The following C18orf32 variants were observed in gnomAD, a reference collection of about 807,000 sequenced individuals.
C18orf32 encodes chromosome 18 open reading frame 32.
A neutral mutation model predicts 7.4 loss-of-function variants in C18orf32; 5 were observed. The observed-to-expected ratio is 0.68, with a 90% CI of 0.35 to 1.42. The LOEUF (loss-of-function observed/expected upper bound fraction) is 1.42, where lower values mean the gene tolerates loss of function less well. Among genes scored for constraint, C18orf32 ranks in the 40% most tolerant of loss-of-function variants. C18orf32 has a pLI of 0.04. For missense variants in C18orf32, 88 were observed against 92.4 expected (o/e 0.95, Z 0.19); for synonymous variants, 30 against 29.3 (o/e 1.02, Z -0.08).
At position 49,482,128 on chromosome 18, in the gene C18orf32, C is replaced by T. The variant is rs1024812686; in HGVS notation, c.*217G>A. 7 of 495,554 alleles carry T rather than the reference C, an allele frequency of 1.4e-5. No homozygotes were observed. Among genetic ancestry groups the T allele is most frequent in the South Asian group, 2.6e-5 (1 of 38,832 alleles). The allele number at this position is 495,554 out of a possible 1,614,324, so 30.7% of individuals were successfully genotyped here. On this transcript the variant is annotated 3_prime_UTR_variant, in exon 3 of 3. Transcript: ENST00000318240. ...ACAGCAATAACAGAAATGAAAGCTA[C>T]ATTAACGAAAAAGGAACTTAGGAAT... is the stretch of plus-strand genomic sequence containing the variant.
Position 49,478,035 on chromosome 18 carries a change from ATTCTTTTT to A in C18orf32, c.*4302_*4309del. ...GTCATTTACATATTTAAACTCCATT[ATTCTTTTT>A]TTCTTTTTTTAAGACAGGGTCTTGC... On this transcript the variant is annotated 3_prime_UTR_variant, in exon 3 of 3. Coordinates refer to ENST00000318240, the MANE Select transcript of C18orf32 (RefSeq NM_001035005.4). 6.7e-6 allele frequency: 1 copy of A among 148,774 alleles called. No homozygotes were observed. Among genetic ancestry groups the A allele is most frequent in the South Asian group, 2.1e-4 (1 of 4,796 alleles). 9.2% of individuals were successfully genotyped at this position (148,774 alleles called of 1,614,324 possible). A position where few individuals can be genotyped will look rare whatever the true frequency, so the allele number is the denominator to read the frequency against.
chr18:49,483,128 G>C (rs1030380882), intron 2 of C18orf32, among the ~76,000 whole-genome samples: 6 of 152,128 alleles, frequency 3.9e-5, no homozygotes, highest in African/African-American at 1.4e-4. Flanking sequence ...AAACAGACAA[G>C]CTCCAGAGTG....
At chr18:49,484,165 T>C (rs60256798) in intron 1 of C18orf32, among the ~76,000 whole-genome samples, 33,081 of 86,478 alleles carry the variant, frequency 0.38, 5,660 homozygotes, top group East Asian at 0.52. Context: ...TATATATATA[T>C]ATACACACAC....
At chr18:49,484,076 C>G (rs1156257112) in intron 1 of C18orf32, among the ~76,000 whole-genome samples, 1 of 149,724 alleles carries the variant, frequency 6.7e-6, no homozygotes, top group South Asian at 2.1e-4. Flanking sequence ...CTGCAGTGAG[C>G]CGTGTTCATG....
intron 1 of C18orf32, among the ~76,000 whole-genome samples, chr18:49,484,201 C>CATATACAT (rs56983810): frequency 8.5e-6 from 1 of 117,836 alleles, no homozygotes; most frequent in Non-Finnish European, 1.7e-5. Flanking sequence ...CACACACACA[C>CATATACAT]GAAAGGACTA....
intron 1 of C18orf32, chr18:49,484,737 T>C (rs1197247088): frequency 1.3e-5 from 2 of 152,184 alleles, no homozygotes; most frequent in African/African-American, 2.4e-5. Flanking sequence ...TAACAACTCA[T>C]TTAATCCTCA....
intron 2 of C18orf32, among the ~76,000 whole-genome samples, chr18:49,482,683 T>C (rs1435974955): frequency 6.7e-6 from 1 of 148,428 alleles, no homozygotes; most frequent in Non-Finnish European, 1.5e-5. Context: ...GCCAAGATTA[T>C]GCCACTGCAC....
intron 2 of C18orf32, among the ~76,000 whole-genome samples, chr18:49,482,840 C>G (rs12963964): frequency 3.1e-4 from 46 of 148,918 alleles, no homozygotes; most frequent in Non-Finnish European, 1.2e-4. Flanking sequence ...TTCTTGTCAC[C>G]CAGGCTGGAG....
chr18:49,486,367 TTAAG>T (rs1483079793), intron 1 of C18orf32: 2 of 152,196 alleles, frequency 1.3e-5, no homozygotes, highest in South Asian at 2.1e-4. Flanking sequence ...CAATTGTGTT[TTAAG>T]TAAGTTCGCA....
chr18:49,483,727 C>T lies in C18orf32; in HGVS notation c.22G>A (p.Val8Ile), dbSNP rs747588792. The T allele has an allele frequency of 5.6e-5, 91 of 1,610,680 alleles. 1 individual carries two copies. Among genetic ancestry groups the T allele is most frequent in the African/African-American group, 5.2e-4 (39 of 74,648 alleles). ...TAGATCCAGAGCAGAACTGGAATGA[C>T]GATACAAGGAATGCACACCATTTTC... MVCIPCI[V>I]IPVLLWIYKK... Residue 8 changes from valine (V) to isoleucine (I), a missense_variant, in exon 2 of 3, where the codon GTC (valine) becomes ATC (isoleucine). Physicochemically the swap from Val to Ile is conservative, Grantham distance 29. Coordinates refer to ENST00000318240, the MANE Select transcript of C18orf32 (RefSeq NM_001035005.4).
chr18:49,477,309 G>A lies in C18orf32; in HGVS notation c.*5036C>T, dbSNP rs2083627890. On this transcript the variant is annotated 3_prime_UTR_variant, in exon 3 of 3. Coordinates refer to ENST00000318240, the MANE Select transcript of C18orf32 (RefSeq NM_001035005.4). ...GGGGTATTGCTCTGTTGTCCTGGCTGGAGTACAGTGGTGTGATCTTGGCTC... is the reference window on the plus strand; with the variant it reads ...GGGGTATTGCTCTGTTGTCCTGGCTAGAGTACAGTGGTGTGATCTTGGCTC... The A allele has an allele frequency of 6.7e-6, 1 of 150,094 alleles. No individual in the cohort carries two copies. Among genetic ancestry groups the A allele is most frequent in the South Asian group, 2.1e-4 (1 of 4,820 alleles). 9.3% of individuals were successfully genotyped at this position (150,094 alleles called of 1,614,324 possible). A position where few individuals can be genotyped will look rare whatever the true frequency, so the allele number is the denominator to read the frequency against.
At position 49,479,162 on chromosome 18, in the gene C18orf32, T is replaced by G. The variant is rs2083640745; in HGVS notation, c.*3183A>C. ...CTCTGGAAAACAGGCTTAAATAAAT[T>G]GGAATCATCCCGGGGACACTTTCCA... On this transcript the variant is annotated 3_prime_UTR_variant, in exon 3 of 3. Transcript: ENST00000318240. 1.3e-5 allele frequency: 2 copies of G among 152,152 alleles called. No individual in the cohort carries two copies. The highest frequency in any genetic ancestry group is 4.8e-5 in the African/African-American group (2 of 41,444). The allele number at this position is 152,152 out of a possible 1,614,324, so 9.4% of individuals were successfully genotyped here.
intron 1 of C18orf32, chr18:49,486,407 G>A (rs940132964): frequency 6.6e-6 from 1 of 152,002 alleles, no homozygotes; most frequent in Non-Finnish European, 1.5e-5. Context: ...ATAAACTCTC[G>A]AGGACAAATA....
At chr18:49,486,688 C>CA (rs568713915) in intron 1 of C18orf32, 39 of 152,142 alleles carry the variant, frequency 2.6e-4, no homozygotes, top group African/African-American at 9.4e-4. Context: ...GTCCAGACAA[C>CA]AGAGTAGACA....
chr18:49,482,800 CTT>C (rs11454920), intron 2 of C18orf32, among the ~76,000 whole-genome samples: 5 of 130,172 alleles, frequency 3.8e-5, no homozygotes, highest in Admixed American at 8.3e-5. Flanking sequence ...CTGTCTCTCT[CTT>C]TTTTTTTTTT....
chr18:49,485,569 TAAAAA>T (rs1355179573), intron 1 of C18orf32, among the ~76,000 whole-genome samples: 1 of 148,408 alleles, frequency 6.7e-6, no homozygotes, highest in Non-Finnish European at 1.5e-5. Flanking sequence ...AAAAAAAAAA[TAAAAA>T]TAAAATAAAA....
intron 1 of C18orf32, chr18:49,484,422 C>T (rs923975567): frequency 7.9e-5 from 12 of 151,908 alleles, no homozygotes; most frequent in African/African-American, 2.7e-4. Context: ...GAAACCCTGT[C>T]TCTACTAAAA....
At chr18:49,485,436 C>T (rs2083727617) in intron 1 of C18orf32, among the ~76,000 whole-genome samples, 1 of 152,066 alleles carries the variant, frequency 6.6e-6, no homozygotes, top group South Asian at 2.1e-4. Flanking sequence ...CACCTGTAAT[C>T]CCAGCTACTG....
At chr18:49,485,654 TA>T (rs2083733599) in intron 1 of C18orf32, among the ~76,000 whole-genome samples, 1 of 151,858 alleles carries the variant, frequency 6.6e-6, no homozygotes, top group South Asian at 2.1e-4. Context: ...TTGCTCAGGC[TA>T]AAGTGCAGTG....
Sources: allele counts gnomAD v4.1 joint callset (sites outside exome capture counted in the v4.1 genomes callset), GRCh38; gene constraint gnomAD v4.1.1; transcripts MANE v1.5; gene names NCBI Gene and HGNC (gene_info 2026-07-23, HGNC 2026-07-21).